Variants in CLCN5 observed in about 807,000 individuals in gnomAD.
CLCN5 encodes Cl-/H+ antiporter 5.
In CLCN5, 17 loss-of-function variants were observed where a neutral mutation model predicts 54.0. The ratio of observed to expected loss-of-function variants is 0.31; its 90% CI spans 0.22 to 0.47. The LOEUF (loss-of-function observed/expected upper bound fraction) is 0.47, where lower values mean the gene tolerates loss of function less well. CLCN5 is among the 20% of genes least tolerant of loss of function. The pLI, the probability that CLCN5 is intolerant of heterozygous loss-of-function variation, is 1.00. For missense variants in CLCN5, 448 were observed against 646.7 expected (o/e 0.69, Z 3.33); for synonymous variants, 222 against 233.0 (o/e 0.95, Z 0.43).
chrX:49,966,202 G>A (rs1927838254), intron 3 of CLCN5, among the ~76,000 whole-genome samples: 1 of 111,259 alleles, frequency 9.0e-6, no homozygotes, highest in African/African-American at 3.3e-5. Context: ...TGGACTTGGA[G>A]TTTTATTTAG....
chrX:50,025,855 G>T (rs1931356971), intron 3 of CLCN5, among the ~76,000 whole-genome samples: 1 of 111,319 alleles, frequency 9.0e-6, no homozygotes, highest in Non-Finnish European at 1.9e-5. Flanking sequence ...GACTTTCTCT[G>T]TTGATGTCCT....
At chrX:50,078,462 T>C (rs1933533970) in intron 7 of CLCN5, among the ~76,000 whole-genome samples, 2 of 112,392 alleles carry the variant, frequency 1.8e-5, no homozygotes, top group Non-Finnish European at 3.8e-5. Context: ...TGTAGTACCA[T>C]AGCAAAACCA....
At chrX:50,078,682 C>G (rs1300222478) in intron 7 of CLCN5, among the ~76,000 whole-genome samples, 1 of 112,813 alleles carries the variant, frequency 8.9e-6, no homozygotes, top group East Asian at 2.8e-4. Context: ...CATGCTGCCC[C>G]TTTATAGCTG....
Position 50,080,640 on chromosome X carries a change from C to G in CLCN5, c.650C>G (p.Ala217Gly). Residue 217 changes from alanine to glycine, a missense_variant, in exon 8 of 15, where the codon GCT (alanine) becomes GGT (glycine). Around this residue, in one of 5 missense-constraint regions of CLCN5, gnomAD observed 40 missense variants for 27.8 expected, o/e 1.44. Transcript: ENST00000376091. ...IVNYFMYVLW[A>G]LLFAFLAVSL... Reference sequence around the variant, plus strand: ...AATTATTTCATGTACGTCCTCTGGGCTCTCCTATTTGCCTTCCTTGCCGTA... The same window carrying G: ...AATTATTTCATGTACGTCCTCTGGGGTCTCCTATTTGCCTTCCTTGCCGTA... 8.3e-7 allele frequency: 1 copy of G among 1,205,100 alleles called. No individual in the cohort carries two copies. The highest frequency in any genetic ancestry group is 1.1e-6 in the Non-Finnish European group (1 of 889,838).
chrX:49,992,202 T>C (rs1178838057), intron 3 of CLCN5, among the ~76,000 whole-genome samples: 1 of 107,567 alleles, frequency 9.3e-6, no homozygotes, highest in Non-Finnish European at 1.9e-5. Flanking sequence ...CTCCCTCTCT[T>C]TTTTTCTTTT....
intron 3 of CLCN5, among the ~76,000 whole-genome samples, chrX:50,027,613 C>G (rs941448314): frequency 2.7e-5 from 3 of 111,632 alleles, no homozygotes; most frequent in African/African-American, 9.8e-5. Flanking sequence ...TCTGCTCTTG[C>G]GTGTTGTCCA....
At chrX:49,998,634 C>A (rs1282883582) in intron 3 of CLCN5, among the ~76,000 whole-genome samples, 1 of 111,005 alleles carries the variant, frequency 9.0e-6, no homozygotes, top group Non-Finnish European at 1.9e-5. Context: ...CCTTAATGTG[C>A]CTTCTCTACT....
rs1927540153 is a variant in CLCN5, at chrX:49,960,427, A to G, written c.16+35113A>G. 2.7e-5 allele frequency among the ~76,000 whole-genome samples: 3 copies of G among 109,298 alleles called. No homozygotes were observed. In the Admixed American group the frequency reaches 2.9e-4, roughly 11 times the overall value. 94.9% of individuals were successfully genotyped at this position (109,298 alleles called of 115,157 possible). ...CATTCCTGGTTGGTTTATTTTCCAA[A>G]TTCCCACAGCAACTGTTCCATTTTC... On this transcript the variant is annotated intron_variant, in intron 3 of 14. Coordinates refer to ENST00000376091, the MANE Select transcript of CLCN5 (RefSeq NM_001127898.4).
chrX:49,957,113 A>T (rs1927366184), intron 3 of CLCN5, among the ~76,000 whole-genome samples: 1 of 111,995 alleles, frequency 8.9e-6, no homozygotes, highest in Non-Finnish European at 1.9e-5. Context: ...AGCCTGGCTA[A>T]CATGGGGAAA....
intron 3 of CLCN5, among the ~76,000 whole-genome samples, chrX:49,935,939 T>C (rs1557169590): frequency 9.0e-6 from 1 of 111,051 alleles, no homozygotes; most frequent in Non-Finnish European, 1.9e-5. Context: ...GACCAGTGAA[T>C]GAATGGGGAG....
At chrX:50,070,088 G>C in intron 5 of CLCN5, 58 bp downstream of exon 5, 1 of 1,054,511 alleles carries the variant, frequency 9.5e-7, no homozygotes, top group Non-Finnish European at 1.3e-6. Context: ...AGAAATTGAA[G>C]ATACATATTC....
intron 3 of CLCN5, among the ~76,000 whole-genome samples, chrX:50,028,298 A>G (rs1602066011): frequency 8.9e-6 from 1 of 111,930 alleles, no homozygotes; most frequent in East Asian, 2.8e-4. Context: ...ATAATTGTAA[A>G]ATGACTGTTT....
chrX:50,094,325 C>T lies in CLCN5; in HGVS notation c.*2106C>T, dbSNP rs1026872688. 2.7e-5 allele frequency: 3 copies of T among 111,652 alleles called. No individual in the cohort carries two copies. Among genetic ancestry groups the T allele is most frequent in the Non-Finnish European group, 5.6e-5 (3 of 53,161 alleles). The allele number at this position is 111,652 out of a possible 1,213,427, so 9.2% of individuals were successfully genotyped here. A position where few individuals can be genotyped will look rare whatever the true frequency, so the allele number is the denominator to read the frequency against. Reference sequence around the variant, plus strand: ...CACATATTTTGTCCTTTCCATGTCACTGATTCCTTCATATGAGACTATTTG... The same window carrying T: ...CACATATTTTGTCCTTTCCATGTCATTGATTCCTTCATATGAGACTATTTG... On this transcript the variant is annotated 3_prime_UTR_variant, in exon 15 of 15. Transcript: ENST00000376091.
intron 3 of CLCN5, among the ~76,000 whole-genome samples, chrX:49,977,012 G>A (rs1315931598): frequency 8.9e-6 from 1 of 111,820 alleles, no homozygotes; most frequent in Non-Finnish European, 1.9e-5. Context: ...CAATGTGGAA[G>A]AAAAGGTCTC....
intron 3 of CLCN5, among the ~76,000 whole-genome samples, chrX:49,966,594 T>TA (rs1927872612): frequency 8.2e-5 from 1 of 12,177 alleles, no homozygotes; most frequent in Non-Finnish European, 1.4e-4. Context: ...CTGATCTTTT[T>TA]TTTTTTTTTT....
chrX:49,944,467 A>G (rs1237363783), intron 3 of CLCN5, among the ~76,000 whole-genome samples: 1 of 111,753 alleles, frequency 8.9e-6, no homozygotes, highest in Non-Finnish European at 1.9e-5. Flanking sequence ...GAGAGAGGTC[A>G]TCCCTGTCTT....
chrX:50,048,864 G>A (rs782686078), intron 4 of CLCN5, among the ~76,000 whole-genome samples: 1 of 111,307 alleles, frequency 9.0e-6, no homozygotes, highest in African/African-American at 3.3e-5. Flanking sequence ...GGCCCTGTTA[G>A]CCAATGCAGT....
chrX:50,034,389 G>GTA (rs1557186304), intron 3 of CLCN5, among the ~76,000 whole-genome samples: 1 of 111,634 alleles, frequency 9.0e-6, no homozygotes, highest in Non-Finnish European at 1.9e-5. Context: ...TTCGTTAATT[G>GTA]TATAATGCAT....
At chrX:49,953,021 G>A (rs782377490) in intron 3 of CLCN5, among the ~76,000 whole-genome samples, 1 of 110,383 alleles carries the variant, frequency 9.1e-6, no homozygotes, top group Non-Finnish European at 1.9e-5. Flanking sequence ...GAGTAGCTGG[G>A]ATTACAGGCA....
Sources: allele counts gnomAD v4.1 joint callset (sites outside exome capture counted in the v4.1 genomes callset), GRCh38; gene constraint gnomAD v4.1.1; regional missense constraint gnomAD v4.1.1; transcripts MANE v1.5; gene names NCBI Gene and HGNC (gene_info 2026-07-23, HGNC 2026-07-21).